DMD: variants seen among roughly 807,000 people sequenced by gnomAD.
DMD encodes mutant dystrophin.
DMD carries 63 observed loss-of-function variants against 330.1 expected under a neutral mutation model. That is an observed-to-expected ratio of 0.19 (90% CI 0.16 to 0.24). The LOEUF (loss-of-function observed/expected upper bound fraction) is 0.24, where lower values mean the gene tolerates loss of function less well. Among genes scored for constraint, DMD ranks in the 10% least tolerant of loss-of-function variants. The pLI is 1.00. For synonymous variants in DMD, 1,223 were observed against 959.8 expected (o/e 1.27, Z -5.07); for missense variants, 3,344 against 2,684.1 (o/e 1.25, Z -5.43).
intron 12 of DMD, among the ~76,000 whole-genome samples, chrX:32,605,877 TTG>T (rs1269469212): frequency 9.1e-6 from 1 of 110,193 alleles, no homozygotes; most frequent in Non-Finnish European, 1.9e-5. Context: ...TGGCTATTAT[TTG>T]TTTTTTTCAA....
intron 41 of DMD, among the ~76,000 whole-genome samples, chrX:32,314,258 C>G (rs1157771951): frequency 8.9e-6 from 1 of 111,788 alleles, no homozygotes; most frequent in Non-Finnish European, 1.9e-5. Flanking sequence ...CTACAACCAT[C>G]TGATCTTTGA....
At chrX:33,319,971 G>T (rs1210013011) in intron 1 of DMD, among the ~76,000 whole-genome samples, 1 of 111,493 alleles carries the variant, frequency 9.0e-6, no homozygotes. Context: ...GTAATTTTTG[G>T]TGAGTGGGTG....
intron 27 of DMD, among the ~76,000 whole-genome samples, chrX:32,447,348 T>C (rs2098309815): frequency 9.1e-6 from 1 of 110,395 alleles, no homozygotes; most frequent in African/African-American, 3.3e-5. Context: ...TCCTGACATA[T>C]AGAAGGCACT....
chrX:31,441,112 A>T (rs1448040541), intron 60 of DMD, among the ~76,000 whole-genome samples: 1 of 112,509 alleles, frequency 8.9e-6, no homozygotes, highest in African/African-American at 3.2e-5. Flanking sequence ...TCTTTCTATT[A>T]TACTATTTTG....
chrX:31,348,915 A>T (rs1286139025), intron 60 of DMD, among the ~76,000 whole-genome samples: 4 of 111,784 alleles, frequency 3.6e-5, no homozygotes, highest in Non-Finnish European at 7.5e-5. Context: ...CAAATGAACT[A>T]CTGCTTCAAT....
At chrX:32,445,224 G>A (rs1198081405) in intron 27 of DMD, among the ~76,000 whole-genome samples, 2 of 110,969 alleles carry the variant, frequency 1.8e-5, no homozygotes, top group Non-Finnish European at 3.8e-5. Context: ...TCAACAGAGC[G>A]AATCAAGTCT....
intron 44 of DMD, among the ~76,000 whole-genome samples, chrX:32,177,117 G>A (rs1035112239): frequency 9.0e-6 from 1 of 111,704 alleles, no homozygotes; most frequent in Non-Finnish European, 1.9e-5. Flanking sequence ...TTTTTCTCAG[G>A]TTTGTTGTCA....
chrX:32,044,272 T>TA (rs2096038540), intron 44 of DMD, among the ~76,000 whole-genome samples: 1 of 110,554 alleles, frequency 9.0e-6, no homozygotes, highest in African/African-American at 3.3e-5. Flanking sequence ...TCATGAGAAG[T>TA]TTAACTTAAG....
In DMD at chrX:31,467,025, A is replaced by C. The variant is rs1234132740; in HGVS notation, c.8937+11081T>G. Reference sequence around the variant, plus strand: ...TTCCACATTGATTTTGTATCCTGAGACTTTGCTGAAGTTGCTTATCAGCTT... The same window carrying C: ...TTCCACATTGATTTTGTATCCTGAGCCTTTGCTGAAGTTGCTTATCAGCTT... On this transcript the variant is annotated intron_variant, in intron 59 of 78. Coordinates refer to ENST00000357033, the MANE Select transcript of DMD (RefSeq NM_004006.3). Among the ~76,000 whole-genome samples, 6 of 112,075 alleles carry C rather than the reference A, an allele frequency of 5.4e-5. No homozygotes were observed. The East Asian group carries it at 1.7e-3, about 31-fold the overall frequency.
chrX:31,830,332 C>T (rs776822076), intron 49 of DMD, among the ~76,000 whole-genome samples: 80 of 112,904 alleles, frequency 7.1e-4, no homozygotes, highest in African/African-American at 2.4e-3. Context: ...CAGTGGCTCA[C>T]GCCTGTAATC....
chrX:32,522,033 A>G (rs900467746), intron 17 of DMD, among the ~76,000 whole-genome samples: 1 of 111,931 alleles, frequency 8.9e-6, no homozygotes, highest in Non-Finnish European at 1.9e-5. Flanking sequence ...TAGTTACTTG[A>G]TATTAAACTT....
intron 74 of DMD, among the ~76,000 whole-genome samples, chrX:31,161,992 T>G (rs1202554913): frequency 9.3e-6 from 1 of 108,073 alleles, no homozygotes; most frequent in Non-Finnish European, 1.9e-5. Flanking sequence ...AAAACTCCCA[T>G]TCAGTCTTCA....
Position 32,545,367 on chromosome X carries a change from T to C in DMD, c.1993-33A>G, listed in dbSNP as rs770008040. 8.5e-6 allele frequency: 10 copies of C among 1,182,691 alleles called. No individual in the cohort carries two copies. The Admixed American group carries it at 2.2e-4, about 26-fold the overall frequency. On this transcript the variant is annotated intron_variant, in intron 16 of 78. Coordinates refer to ENST00000357033, the MANE Select transcript of DMD (RefSeq NM_004006.3). Reference sequence around the variant, plus strand: ...AAGTATTGAAACAGAGGTCAGACATTGCTAGAAAGACTTCAGTAAAGACTG... The same window carrying C: ...AAGTATTGAAACAGAGGTCAGACATCGCTAGAAAGACTTCAGTAAAGACTG...
chrX:31,582,298 G>T (rs1438312225), intron 55 of DMD, among the ~76,000 whole-genome samples: 2 of 111,060 alleles, frequency 1.8e-5, no homozygotes, highest in Non-Finnish European at 3.8e-5. Flanking sequence ...GCGGCAGATG[G>T]AAGTATTGGG....
chrX:32,349,955 G>A (rs112089795), intron 37 of DMD, among the ~76,000 whole-genome samples: 15 of 110,684 alleles, frequency 1.4e-4, no homozygotes, highest in African/African-American at 4.6e-4. Flanking sequence ...TTTAGATGAC[G>A]GTAAAAGTAA....
At chrX:31,252,139 A>G (rs1307390830) in intron 63 of DMD, among the ~76,000 whole-genome samples, 1 of 112,515 alleles carries the variant, frequency 8.9e-6, no homozygotes, top group Admixed American at 9.4e-5. Context: ...TATTTTACAA[A>G]TGGGGAAAGT....
intron 2 of DMD, among the ~76,000 whole-genome samples, chrX:32,861,121 G>C (rs982458687): frequency 8.9e-6 from 1 of 111,944 alleles, no homozygotes; most frequent in Non-Finnish European, 1.9e-5. Flanking sequence ...TCTATAGAAA[G>C]AGCATGTATC....
intron 2 of DMD, among the ~76,000 whole-genome samples, chrX:32,854,787 A>C (rs2081407760): frequency 9.0e-6 from 1 of 111,265 alleles, no homozygotes; most frequent in Non-Finnish European, 1.9e-5. Flanking sequence ...TAATACTCAA[A>C]CTATTGTGAA....
chrX:31,512,943 A>C lies in DMD; in HGVS notation c.8218-5490T>G, dbSNP rs6631321. ...CCTTGGGCAGTATGGCCATTTTCAC[A>C]ATATTGATTCTTCCTACCCATGAGC... On this transcript the variant is annotated intron_variant, in intron 55 of 78. Coordinates refer to ENST00000357033, the MANE Select transcript of DMD (RefSeq NM_004006.3). Among the ~76,000 whole-genome samples, 24 of 107,834 alleles carry C rather than the reference A, an allele frequency of 2.2e-4. No homozygotes were observed. In the East Asian group the frequency reaches 6.5e-3, roughly 29 times the overall value. 93.6% of individuals were successfully genotyped at this position (107,834 alleles called of 115,157 possible). A position where few individuals can be genotyped will look rare whatever the true frequency, so the allele number is the denominator to read the frequency against.
Sources: allele counts gnomAD v4.1 joint callset (sites outside exome capture counted in the v4.1 genomes callset), GRCh38; gene constraint gnomAD v4.1.1; transcripts MANE v1.5; gene names NCBI Gene and HGNC (gene_info 2026-07-23, HGNC 2026-07-21).